The following RNF19B variants were observed in gnomAD, a reference collection of about 807,000 sequenced individuals.
RNF19B encodes E3 ubiquitin-protein ligase RNF19B.
RNF19B carries 23 observed loss-of-function variants against 65.5 expected under a neutral mutation model. The observed-to-expected ratio is 0.35, with a 90% confidence interval of 0.25 to 0.50. RNF19B has a LOEUF of 0.50. RNF19B is among the 20% of genes least tolerant of loss of function. The pLI is 0.98. For synonymous variants in RNF19B, 372 were observed against 379.6 expected, an observed-to-expected ratio of 0.98 and a Z score of 0.23; for missense variants, 794 against 980.0, an observed-to-expected ratio of 0.81 and a Z score of 2.53.
Position 32,964,282 on chromosome 1 carries a change from A to G in RNF19B, c.404T>C (p.Leu135Pro). Residue 135 changes from leucine to proline, a missense_variant, in exon 1 of 9, where the codon CTC becomes CCC. Coordinates refer to ENST00000235150, the MANE Select transcript of RNF19B (RefSeq NM_001300826.2). The surrounding 1 kb of genome is among the most constrained non-coding windows in gnomAD (Gnocchi z 6.5). ...RLPPERAPRL[L>P]SCPHRSCRDC... ...CCGGCACGAGCGGTGCGGACAGCTG[A>G]GGAGGCGCGGGGCCCGCTCAGGCGG... 1 of 1,529,876 alleles carries G rather than the reference A, an allele frequency of 6.5e-7. No individual in the cohort carries two copies. The highest frequency in any genetic ancestry group is 8.8e-7 in the Non-Finnish European group (1 of 1,141,260). The allele number at this position is 1,529,876 out of a possible 1,614,324, so 94.8% of individuals were successfully genotyped here.
chr1:32,931,053 A>C, the RNF19B span, among the ~76,000 whole-genome samples: 2 of 151,426 alleles, frequency 1.3e-5, no homozygotes, highest in Admixed American at 6.6e-5. Context: ...GCGCCTCTGC[A>C]CTCCAGCGTA....
downstream of RNF19B, among the ~76,000 whole-genome samples, chr1:32,934,359 G>C (rs546905864): frequency 7.2e-5 from 11 of 152,208 alleles, no homozygotes; most frequent in South Asian, 2.1e-4. Context: ...ACTAAGGTGA[G>C]AGAGGTCTGA....
chr1:32,935,816 G>A (rs1041702039), downstream of RNF19B, among the ~76,000 whole-genome samples: 2 of 151,620 alleles, frequency 1.3e-5, no homozygotes, highest in Non-Finnish European at 2.9e-5. Flanking sequence ...CAGTGATGTC[G>A]GCTCCCTGCA....
intron 1 of RNF19B, among the ~76,000 whole-genome samples, chr1:32,951,664 C>G (rs1187163631): frequency 3.9e-5 from 6 of 152,210 alleles, no homozygotes; most frequent in Non-Finnish European, 8.8e-5. Context: ...CTCATCTTAT[C>G]TTTCCATACT....
At chr1:32,952,538 C>G (rs1439712583) in intron 1 of RNF19B, among the ~76,000 whole-genome samples, 2 of 149,850 alleles carry the variant, frequency 1.3e-5, no homozygotes, top group Non-Finnish European at 2.9e-5. Context: ...GTCAGGAGTT[C>G]GAGACCAGCC....
chr1:32,954,979 A>C (rs1428679207), intron 1 of RNF19B, among the ~76,000 whole-genome samples: 1 of 152,116 alleles, frequency 6.6e-6, no homozygotes, highest in African/African-American at 2.4e-5. Context: ...TACCCATTTA[A>C]GAACCAACTC....
At chr1:32,945,220 G>A (rs555566031) in intron 5 of RNF19B, among the ~76,000 whole-genome samples, 2 of 152,272 alleles carry the variant, frequency 1.3e-5, no homozygotes, top group South Asian at 2.1e-4. Context: ...ATGGCAAGTA[G>A]AGAAGGAAGA....
Position 32,937,197 on chromosome 1 carries a change from AC to A in RNF19B, c.1804del (p.Val602Ter). 4 of 1,613,866 alleles carry A rather than the reference AC, an allele frequency of 2.5e-6. No homozygotes were observed. The highest frequency in any genetic ancestry group is 3.4e-6 in the Non-Finnish European group (4 of 1,179,978). ...CGAGTCCTCCGTGCTGCTTCCACTC[AC>A]CAGCTGATAGTGGCTTGGTTTGGCT... Reference protein sequence around the residue: ...IEAKPSHYQLVSGSSTEDSLH... With the variant: ...IEAKPSHYQLXSGSSTEDSLH... On this transcript the variant is annotated frameshift_variant, in exon 9 of 9. Transcript: ENST00000235150. LOFTEE classifies it high-confidence loss of function.
chr1:32,935,059 T>C (rs1642074946), downstream of RNF19B, among the ~76,000 whole-genome samples: 1 of 152,026 alleles, frequency 6.6e-6, no homozygotes, highest in South Asian at 2.1e-4. Context: ...CTTGATCTCC[T>C]GACCTCGTGA....
chr1:32,934,202 A>C (rs960253791), downstream of RNF19B, among the ~76,000 whole-genome samples: 3 of 152,232 alleles, frequency 2.0e-5, no homozygotes, highest in African/African-American at 7.2e-5. Context: ...AGAGATAAGA[A>C]TCTTCTAAGC....
At chr1:32,943,623 A>C (rs938327705) in intron 6 of RNF19B, among the ~76,000 whole-genome samples, 37 of 152,194 alleles carry the variant, frequency 2.4e-4, no homozygotes, top group African/African-American at 8.0e-4. Context: ...AAAAAAAAAA[A>C]AGAAATTCCC....
chr1:32,937,330 T>C, intron 8 of RNF19B, 71 bp from the exon 9 acceptor site: 4 of 1,606,112 alleles, frequency 2.5e-6, no homozygotes, highest in Non-Finnish European at 3.4e-6. Context: ...AAGCAGTTCA[T>C]GGGTTCAGGA....
rs56338843 is a variant in RNF19B, at chr1:32,943,140, C to CA, written c.1403-682dup. ...TGGGCAACAGAGCAAGACTCCGTCT[C>CA]AAAAAAAAAAAAAGAAAAGAAAAAA... On this transcript the variant is annotated intron_variant, in intron 6 of 8. Transcript: ENST00000235150. Among the ~76,000 whole-genome samples the CA allele has an allele frequency of 1.3e-3, 163 of 129,968 alleles. No homozygotes were observed. The South Asian group carries it at 0.013, about 10-fold the overall frequency. The allele number at this position is 129,968 out of a possible 152,430, so 85.3% of individuals were successfully genotyped here.
At chr1:32,942,619 T>G (rs763664843) in intron 6 of RNF19B, among the ~76,000 whole-genome samples, 160 bp from the exon 7 acceptor site, 24 of 152,210 alleles carry the variant, frequency 1.6e-4, no homozygotes, top group South Asian at 4.1e-4. Context: ...ATGTTCATAT[T>G]TAATCCTCCA....
chr1:32,938,979 G>A (rs968538414), intron 7 of RNF19B, among the ~76,000 whole-genome samples: 31 of 152,180 alleles, frequency 2.0e-4, no homozygotes, highest in Admixed American at 2.6e-4. Context: ...CGAAATCATA[G>A]TCACTCTGAA....
intron 2 of RNF19B, 51 bp downstream of exon 2, chr1:32,949,518 C>T (rs2124149174): frequency 1.3e-6 from 2 of 1,508,088 alleles, no homozygotes; most frequent in African/African-American, 2.7e-5. Flanking sequence ...GCTATGGGCT[C>T]ACATCATGAA....
chr1:32,957,820 C>T (rs952185607), intron 1 of RNF19B, among the ~76,000 whole-genome samples: 4 of 152,182 alleles, frequency 2.6e-5, no homozygotes, highest in African/African-American at 4.8e-5. Context: ...GGCGACAAAG[C>T]GAGACTCCAT....
At chr1:32,929,518 C>T in the RNF19B span, among the ~76,000 whole-genome samples, 40 of 152,242 alleles carry the variant, frequency 2.6e-4, no homozygotes, top group Non-Finnish European at 5.6e-4. Flanking sequence ...TGGCTTAGGG[C>T]CAGTTTCCAA....
At chr1:32,930,014 G>A in the RNF19B span, among the ~76,000 whole-genome samples, 3 of 152,194 alleles carry the variant, frequency 2.0e-5, no homozygotes, top group Non-Finnish European at 4.4e-5. Context: ...ATTCCTTGCT[G>A]AAAGAAATAA....
Sources: allele counts gnomAD v4.1 joint callset (sites outside exome capture counted in the v4.1 genomes callset), GRCh38; gene constraint gnomAD v4.1.1; non-coding constraint Gnocchi (gnomAD v3.1); transcripts MANE v1.5; gene names NCBI Gene and HGNC (gene_info 2026-07-23, HGNC 2026-07-21).